SOX5: variants seen among roughly 807,000 people sequenced by gnomAD.
The protein encoded by SOX5 is transcription factor SOX-5.
Under a neutral mutation model 92.0 loss-of-function variants are expected in SOX5, and 9 were observed. That is an observed-to-expected ratio of 0.10 (90% CI 0.06 to 0.17). The LOEUF is 0.17. SOX5 is among the 10% of genes least tolerant of loss of function. SOX5 has a pLI of 1.00. For synonymous variants in SOX5, 344 were observed against 336.3 expected, an observed-to-expected ratio of 1.02 and a Z score of -0.25; for missense variants, 642 against 944.5, an observed-to-expected ratio of 0.68 and a Z score of 4.20.
At chr12:23,808,731 T>C (rs992407110) in intron 3 of SOX5, among the ~76,000 whole-genome samples, 6 of 152,166 alleles carry the variant, frequency 3.9e-5, no homozygotes, top group Admixed American at 2.6e-4. Flanking sequence ...AATCCATTTA[T>C]GAATACATAA....
chr12:23,955,793 G>A (rs1049485598), upstream of SOX5, among the ~76,000 whole-genome samples: 1 of 151,838 alleles, frequency 6.6e-6, no homozygotes, highest in African/African-American at 2.4e-5. Context: ...AACCATTCAA[G>A]TGGGATCATA....
At chr12:24,143,868 AAGGAGG>A (rs910030685) in intron 4 of SOX5, among the ~76,000 whole-genome samples, 3 of 150,622 alleles carry the variant, frequency 2.0e-5, no homozygotes, top group African/African-American at 7.3e-5. Flanking sequence ...GAAGGAGGAG[AAGGAGG>A]AGGAGGAGGA....
intron 3 of SOX5, among the ~76,000 whole-genome samples, chr12:23,806,869 A>T (rs1465547710): frequency 1.3e-5 from 2 of 152,212 alleles, no homozygotes; most frequent in African/African-American, 4.8e-5. Context: ...TTTGGGCGAT[A>T]AAATGACTTT....
At chr12:24,017,870 C>T (rs1159958792) in intron 4 of SOX5, among the ~76,000 whole-genome samples, 2 of 152,262 alleles carry the variant, frequency 1.3e-5, no homozygotes, top group South Asian at 4.2e-4. Flanking sequence ...TCACTTTCTG[C>T]AACCCTCCTT....
intron 1 of SOX5, among the ~76,000 whole-genome samples, chr12:23,910,057 C>T (rs1490853463): frequency 6.6e-6 from 1 of 152,038 alleles, no homozygotes; most frequent in Non-Finnish European, 1.5e-5. Flanking sequence ...TCCCTGAAAA[C>T]ATTTTTAAAG....
At chr12:23,624,230 T>C (rs2077501951) in intron 8 of SOX5, among the ~76,000 whole-genome samples, 1 of 151,976 alleles carries the variant, frequency 6.6e-6, no homozygotes. Flanking sequence ...TAGTTTCAGT[T>C]TGGGATGATG....
At chr12:23,859,886 C>G (rs2096735549) in intron 2 of SOX5, among the ~76,000 whole-genome samples, 1 of 152,072 alleles carries the variant, frequency 6.6e-6, no homozygotes, top group Non-Finnish European at 1.5e-5. Flanking sequence ...ATAGAAAAGA[C>G]ATGGAATTAA....
At chr12:23,720,483 C>G (rs1428422277) in intron 6 of SOX5, among the ~76,000 whole-genome samples, 1 of 152,122 alleles carries the variant, frequency 6.6e-6, no homozygotes, top group African/African-American at 2.4e-5. Flanking sequence ...ATACATTCAT[C>G]TGTACTTTTA....
chr12:24,412,780 CTTT>C (rs35640190), intron 1 of SOX5, among the ~76,000 whole-genome samples: 8 of 132,426 alleles, frequency 6.0e-5, no homozygotes, highest in Non-Finnish European at 9.4e-5. Context: ...ATTAGATTTT[CTTT>C]TTTTTTTTTT....
intron 1 of SOX5, among the ~76,000 whole-genome samples, chr12:24,428,919 G>A (rs1252509119): frequency 2.6e-5 from 4 of 152,024 alleles, no homozygotes; most frequent in Admixed American, 6.6e-5. Context: ...CACTTATTAA[G>A]TATGTGATCT....
At chr12:24,018,472 T>A (rs906226118) in intron 4 of SOX5, among the ~76,000 whole-genome samples, 4 of 152,166 alleles carry the variant, frequency 2.6e-5, no homozygotes, top group African/African-American at 4.8e-5. Flanking sequence ...AAGTTGGAAA[T>A]GAGACTTCAA....
chr12:24,380,838 T>C (rs1957753838), intron 1 of SOX5, among the ~76,000 whole-genome samples: 2 of 152,178 alleles, frequency 1.3e-5, no homozygotes, highest in Non-Finnish European at 2.9e-5. Flanking sequence ...GCATAGTTCA[T>C]ATGAAAAAGG....
intron 4 of SOX5, among the ~76,000 whole-genome samples, chr12:24,021,907 C>T (rs1177611756): frequency 2.0e-5 from 3 of 152,114 alleles, no homozygotes; most frequent in Non-Finnish European, 4.4e-5. Flanking sequence ...CTCTGAACTC[C>T]CCTAGTGCTT....
At chr12:24,424,814 G>GGGC (rs1966499236) in intron 1 of SOX5, among the ~76,000 whole-genome samples, 1 of 150,704 alleles carries the variant, frequency 6.6e-6, no homozygotes, top group Non-Finnish European at 1.5e-5. Context: ...TTTTTGGGGG[G>GGGC]GGGGGATGGC....
chr12:23,979,131 A>T (rs1477580426), intron 4 of SOX5, among the ~76,000 whole-genome samples: 2 of 152,034 alleles, frequency 1.3e-5, no homozygotes, highest in African/African-American at 2.4e-5. Flanking sequence ...TTAATTAATT[A>T]TGAGGGTTAT....
chr12:24,010,720 C>T (rs1272877873), intron 4 of SOX5, among the ~76,000 whole-genome samples: 6 of 152,124 alleles, frequency 3.9e-5, no homozygotes, highest in Admixed American at 1.3e-4. Context: ...GAATCACTTG[C>T]GGTCAGGGGC....
At chr12:23,808,460 C>A (rs2095819624) in intron 3 of SOX5, among the ~76,000 whole-genome samples, 1 of 151,988 alleles carries the variant, frequency 6.6e-6, no homozygotes, top group Non-Finnish European at 1.5e-5. Context: ...TAAGATTTAA[C>A]CCTTAGTAAT....
At chr12:23,772,933 C>T (rs561936722) in intron 3 of SOX5, among the ~76,000 whole-genome samples, 2 of 152,100 alleles carry the variant, frequency 1.3e-5, no homozygotes, top group African/African-American at 2.4e-5. Flanking sequence ...CAACATTTTG[C>T]TTTTTCAAGC....
At chr12:23,849,772 T>C (rs1947729197) in intron 2 of SOX5, among the ~76,000 whole-genome samples, 2 of 152,222 alleles carry the variant, frequency 1.3e-5, no homozygotes, top group Admixed American at 6.5e-5. Flanking sequence ...GTTCATGTCA[T>C]ATTTTTTAAA....
Sources: gnomAD v4.1 joint callset for allele counts (sites outside exome capture counted in the v4.1 genomes callset) on GRCh38, gnomAD v4.1.1 for gene constraint, MANE v1.5 for transcripts, NCBI Gene and HGNC (gene_info 2026-07-23, HGNC 2026-07-21) for gene names.